GRID2: variants seen among roughly 807,000 people sequenced by gnomAD.
The protein encoded by GRID2 is glutamate ionotropic receptor delta type subunit 2.
GRID2 carries 33 observed loss-of-function variants against 114.8 expected under a neutral mutation model. The observed-to-expected ratio is 0.29, with a 90% CI of 0.22 to 0.38. The LOEUF is 0.38. Ranked by LOEUF, GRID2 falls within the 10% of genes least tolerant of loss-of-function variation. GRID2 has a pLI of 1.00. For synonymous variants in GRID2, 505 were observed against 449.9 expected, an observed-to-expected ratio of 1.12 and a Z score of -1.55; for missense variants, 1,184 against 1,257.7, an observed-to-expected ratio of 0.94 and a Z score of 0.89.
At chr4:93,333,512 G>A (rs1237657939) in intron 8 of GRID2, among the ~76,000 whole-genome samples, 1 of 151,950 alleles carries the variant, frequency 6.6e-6, no homozygotes, top group Non-Finnish European at 1.5e-5. Flanking sequence ...CCTTTTTCTT[G>A]TCTTCCCCTT....
intron 13 of GRID2, among the ~76,000 whole-genome samples, chr4:93,556,824 G>C (rs1734366593): frequency 1.3e-5 from 2 of 152,114 alleles, no homozygotes; most frequent in Admixed American, 1.3e-4. Context: ...AGGACAAACT[G>C]TTAAGGGCAG....
chr4:93,671,179 G>A lies in GRID2; in HGVS notation c.2360+44744G>A, dbSNP rs1026213485. Among the ~76,000 whole-genome samples, 17 of 152,246 alleles carry A rather than the reference G, an allele frequency of 1.1e-4. No individual in the cohort carries two copies. In the South Asian group the frequency reaches 1.7e-3, roughly 15 times the overall value. On this transcript the variant is annotated intron_variant, in intron 14 of 15. Coordinates refer to ENST00000282020, the MANE Select transcript of GRID2 (RefSeq NM_001510.4). The stretch of plus-strand genomic sequence containing the variant: ...GTTTCAGAGTGCCTCGTCATGTTTC[G>A]CTGTGGCAGAAAGCACTCTGAGCAG...
At chr4:93,094,493 T>C (rs904917943) in intron 3 of GRID2, among the ~76,000 whole-genome samples, 1 of 152,038 alleles carries the variant, frequency 6.6e-6, no homozygotes, top group Non-Finnish European at 1.5e-5. Flanking sequence ...ATAGTTATAA[T>C]GCAGCCTTGC....
intron 2 of GRID2, among the ~76,000 whole-genome samples, chr4:93,074,975 ACT>A (rs1400493617): frequency 6.6e-6 from 1 of 152,098 alleles, no homozygotes; most frequent in African/African-American, 2.4e-5. Flanking sequence ...GATTTTATAA[ACT>A]CTCTCACTAC....
intron 14 of GRID2, among the ~76,000 whole-genome samples, chr4:93,763,154 A>G (rs1264467469): frequency 4.6e-5 from 7 of 152,060 alleles, no homozygotes; most frequent in Admixed American, 3.3e-4. Flanking sequence ...ACCAGCCACC[A>G]CCTTTCCCCT....
chr4:93,004,139 A>G (rs1186441754), intron 2 of GRID2, among the ~76,000 whole-genome samples: 1 of 151,970 alleles, frequency 6.6e-6, no homozygotes, highest in Non-Finnish European at 1.5e-5. Context: ...TAGACATATC[A>G]CATTTTAGGA....
intron 1 of GRID2, among the ~76,000 whole-genome samples, chr4:92,321,169 A>C (rs750984138): frequency 7.9e-5 from 12 of 152,260 alleles, no homozygotes; most frequent in Non-Finnish European, 1.2e-4. Context: ...GGATGGCAGA[A>C]GTAAAGCCTG....
intron 4 of GRID2, among the ~76,000 whole-genome samples, chr4:93,190,676 A>G (rs1335887275): frequency 1.3e-5 from 2 of 152,146 alleles, no homozygotes; most frequent in Admixed American, 1.3e-4. Flanking sequence ...TTATTAGGAC[A>G]GAGAGAAAAT....
intron 13 of GRID2, among the ~76,000 whole-genome samples, chr4:93,583,994 GA>G (rs1251125482): frequency 1.3e-5 from 2 of 152,108 alleles, no homozygotes; most frequent in Non-Finnish European, 2.9e-5. Flanking sequence ...GGAAAATGCT[GA>G]AACATTTCTC....
At chr4:93,006,619 T>A (rs1443222946) in intron 2 of GRID2, among the ~76,000 whole-genome samples, 12 of 150,844 alleles carry the variant, frequency 8.0e-5, no homozygotes, top group Non-Finnish European at 1.5e-4. Flanking sequence ...AGTCACTATA[T>A]CAGAAAACCG....
chr4:92,852,025 G>A (rs956053007), intron 2 of GRID2, among the ~76,000 whole-genome samples: 1 of 151,824 alleles, frequency 6.6e-6, no homozygotes, highest in Non-Finnish European at 1.5e-5. Flanking sequence ...TGTGCAGAAG[G>A]GGAAGAAGCA....
At chr4:93,631,336 A>T (rs1308719916) in intron 14 of GRID2, among the ~76,000 whole-genome samples, 1 of 152,040 alleles carries the variant, frequency 6.6e-6, no homozygotes. Flanking sequence ...CATTTATATT[A>T]GGTATATCTC....
intron 2 of GRID2, among the ~76,000 whole-genome samples, chr4:93,012,082 A>G (rs80231678): frequency 7.4e-5 from 2 of 26,886 alleles, no homozygotes; most frequent in Non-Finnish European, 1.4e-4. Flanking sequence ...TATCAGGCTG[A>G]AAAAAAAAAA....
chr4:92,699,505 A>C (rs1311821872), intron 2 of GRID2, among the ~76,000 whole-genome samples: 1 of 152,172 alleles, frequency 6.6e-6, no homozygotes, highest in Non-Finnish European at 1.5e-5. Context: ...GGACAGAGTA[A>C]TGATCATTAA....
chr4:92,863,517 CT>C (rs1436959986), intron 2 of GRID2, among the ~76,000 whole-genome samples: 1 of 152,122 alleles, frequency 6.6e-6, no homozygotes, highest in African/African-American at 2.4e-5. Flanking sequence ...TTACAGCAGC[CT>C]GCTCATCTAC....
intron 2 of GRID2, among the ~76,000 whole-genome samples, chr4:92,871,686 A>AT (rs905985389): frequency 2.0e-5 from 3 of 151,906 alleles, no homozygotes; most frequent in Non-Finnish European, 2.9e-5. Flanking sequence ...AAATATTAGA[A>AT]TTTTTTTTAA....
At chr4:93,012,173 T>A (rs1722245688) in intron 2 of GRID2, among the ~76,000 whole-genome samples, 1 of 152,060 alleles carries the variant, frequency 6.6e-6, no homozygotes, top group South Asian at 2.1e-4. Context: ...GTGCAGGTTT[T>A]ACCATTATTC....
chr4:92,340,525 G>C (rs1362391836), intron 1 of GRID2, among the ~76,000 whole-genome samples: 6 of 152,096 alleles, frequency 3.9e-5, no homozygotes, highest in Admixed American at 3.9e-4. Flanking sequence ...CTACCTGCTT[G>C]TTCATGGCTT....
intron 13 of GRID2, among the ~76,000 whole-genome samples, chr4:93,547,934 T>C (rs903050468): frequency 1.3e-5 from 2 of 152,196 alleles, no homozygotes; most frequent in East Asian, 3.9e-4. Context: ...CTCAGCACTT[T>C]GGGAGCCCGA....
Sources: gnomAD v4.1 joint callset for allele counts (sites outside exome capture counted in the v4.1 genomes callset) on GRCh38, gnomAD v4.1.1 for gene constraint, MANE v1.5 for transcripts, NCBI Gene and HGNC (gene_info 2026-07-23, HGNC 2026-07-21) for gene names.